Variants in KBTBD12 observed in about 807,000 individuals in gnomAD.
KBTBD12 encodes the protein kelch repeat and BTB domain containing 12.
In KBTBD12, 53 loss-of-function variants were observed where a neutral mutation model predicts 58.7. That is an observed-to-expected ratio of 0.90 (90% CI 0.72 to 1.14). The LOEUF is 1.14. KBTBD12 is among the 50% of genes most tolerant of loss of function. The pLI is 0.00. For missense variants in KBTBD12, 704 were observed against 751.3 expected, an observed-to-expected ratio of 0.94 and a Z score of 0.74; for synonymous variants, 236 against 259.8, an observed-to-expected ratio of 0.91 and a Z score of 0.88.
intron 5 of KBTBD12, among the ~76,000 whole-genome samples, chr3:127,973,766 T>C (rs1435328128): frequency 6.6e-6 from 1 of 152,218 alleles, no homozygotes; most frequent in Non-Finnish European, 1.5e-5. Flanking sequence ...TTTCTGTATG[T>C]TTGAAATTTC....
intron 4 of KBTBD12, among the ~76,000 whole-genome samples, chr3:127,959,057 G>A (rs774561181): frequency 6.6e-6 from 1 of 152,120 alleles, no homozygotes; most frequent in African/African-American, 2.4e-5. Flanking sequence ...AAGAAGCTAG[G>A]TTCATGTTTT....
downstream of KBTBD12, chr3:127,987,676 C>T (rs879750031): frequency 2.6e-5 from 4 of 152,230 alleles, no homozygotes; most frequent in Admixed American, 6.5e-5. Context: ...AGATCACTTT[C>T]ATTTTGTTTT....
chr3:127,931,804 G>A (rs556279875), intron 4 of KBTBD12, among the ~76,000 whole-genome samples: 4 of 151,698 alleles, frequency 2.6e-5, no homozygotes, highest in Non-Finnish European at 5.9e-5. Context: ...CAATGGGAGG[G>A]GGCAAAAAAG....
At chr3:127,937,172 AAAC>A (rs3073944) in intron 4 of KBTBD12, among the ~76,000 whole-genome samples, 67,186 of 150,194 alleles carry the variant, frequency 0.45, 15,866 homozygotes, top group Admixed American at 0.55. Context: ...AATGGCCAGA[AAAC>A]AACAACAACA....
At chr3:127,953,848 G>A (rs900546641) in intron 4 of KBTBD12, among the ~76,000 whole-genome samples, 2 of 152,172 alleles carry the variant, frequency 1.3e-5, no homozygotes, top group African/African-American at 4.8e-5. Flanking sequence ...CATTTTGTCA[G>A]CTTTGCCACA....
intron 4 of KBTBD12, among the ~76,000 whole-genome samples, chr3:127,942,192 A>G (rs1939964778): frequency 6.6e-6 from 1 of 152,240 alleles, no homozygotes; most frequent in African/African-American, 2.4e-5. Context: ...GTATGTATTT[A>G]AGGCATACAA....
At chr3:127,919,882 T>A (rs1000212187) in intron 1 of KBTBD12, among the ~76,000 whole-genome samples, 6 of 152,288 alleles carry the variant, frequency 3.9e-5, no homozygotes, top group Admixed American at 1.3e-4. Context: ...CCTAATGCAG[T>A]TTTTTAAAAT....
chr3:127,945,059 G>GT (rs1576381174), intron 4 of KBTBD12, among the ~76,000 whole-genome samples: 1 of 142,086 alleles, frequency 7.0e-6, no homozygotes, highest in East Asian at 2.2e-4. Flanking sequence ...TTTGGTATTT[G>GT]TTTTTGCTGT....
intron 5 of KBTBD12, among the ~76,000 whole-genome samples, chr3:127,967,757 A>G (rs1940604152): frequency 6.6e-6 from 1 of 152,246 alleles, no homozygotes; most frequent in Non-Finnish European, 1.5e-5. Flanking sequence ...ATATGTAAAT[A>G]TAGTGCATAT....
Position 127,985,939 on chromosome 3 carries a change from T to C in KBTBD12, c.*1661T>C, listed in dbSNP as rs1349584061. On this transcript the variant is annotated 3_prime_UTR_variant, in exon 6 of 6. Coordinates refer to ENST00000405109, the MANE Select transcript of KBTBD12 (RefSeq NM_207335.4). The stretch of plus-strand genomic sequence containing the variant: ...TTCCCCAGTGGATGATCATGATCTG[T>C]GCATTCTTTTTCTTGCTACAAAGAT... 1.3e-5 allele frequency: 2 copies of C among 152,358 alleles called. No individual in the cohort carries two copies. Among genetic ancestry groups the C allele is most frequent in the Non-Finnish European group, 2.9e-5 (2 of 68,108 alleles). The allele number at this position is 152,358 out of a possible 1,614,324, so 9.4% of individuals were successfully genotyped here.
intron 4 of KBTBD12, among the ~76,000 whole-genome samples, chr3:127,953,194 G>A (rs1940247051): frequency 6.6e-6 from 1 of 152,138 alleles, no homozygotes; most frequent in African/African-American, 2.4e-5. Context: ...TATAGTAAGT[G>A]GCAAAGAGTC....
intron 3 of KBTBD12, among the ~76,000 whole-genome samples, chr3:127,928,703 C>A (rs1164792732): frequency 4.6e-5 from 7 of 152,242 alleles, no homozygotes; most frequent in Admixed American, 2.0e-4. Context: ...TCAGCTGCCT[C>A]ATGCCCTGGC....
At chr3:127,933,263 C>T (rs1056636650) in intron 4 of KBTBD12, among the ~76,000 whole-genome samples, 1 of 152,162 alleles carries the variant, frequency 6.6e-6, no homozygotes, top group Non-Finnish European at 1.5e-5. Context: ...TGCTGTTCCT[C>T]ACCCCAGCTC....
At chr3:127,915,676 G>A (rs1939215482) in intron 1 of KBTBD12, 90 bp downstream of exon 1, 2 of 152,312 alleles carry the variant, frequency 1.3e-5, no homozygotes, top group South Asian at 4.1e-4. Flanking sequence ...GCGCCGACCC[G>A]GGGCCACCGG....
At chr3:127,972,185 T>C (rs1351400776) in intron 5 of KBTBD12, among the ~76,000 whole-genome samples, 2 of 152,222 alleles carry the variant, frequency 1.3e-5, no homozygotes, top group Non-Finnish European at 2.9e-5. Context: ...AACTATTATT[T>C]CCCTTATTTT....
chr3:127,929,345 A>G (rs1235417168), intron 3 of KBTBD12, among the ~76,000 whole-genome samples: 2 of 152,224 alleles, frequency 1.3e-5, no homozygotes, highest in African/African-American at 2.4e-5. Context: ...ATAAACTTTC[A>G]TAAGTATGCC....
intron 3 of KBTBD12, among the ~76,000 whole-genome samples, chr3:127,928,390 C>G (rs116758054): frequency 0.015 from 2,328 of 152,332 alleles, 48 homozygotes; most frequent in African/African-American, 0.051. Flanking sequence ...TCTAATAGCT[C>G]TGTGACCTGA....
chr3:127,963,333 A>G lies in KBTBD12; in HGVS notation c.1637A>G (p.Asn546Ser), dbSNP rs1940488358. 6.2e-7 allele frequency: 1 copy of G among 1,612,244 alleles called. No homozygotes were observed. The highest frequency in any genetic ancestry group is 8.5e-7 in the Non-Finnish European group (1 of 1,179,320). ...PLLSLRTNST[N>S]AGAVDGKLYV... is the part of the protein sequence containing the mutation. ...CTCTCACTCCGCACCAATTCCACCA[A>G]TGCAGGGGCAGTGGATGGGAAACTC... Residue 546 changes from asparagine (N) to serine (S), a missense_variant, in exon 5 of 6, where the codon AAT (asparagine) becomes AGT (serine). Asn to Ser is a conservative substitution (Grantham distance 46). Coordinates refer to ENST00000405109, the MANE Select transcript of KBTBD12 (RefSeq NM_207335.4).
chr3:127,954,890 A>AT (rs1333217047), intron 4 of KBTBD12, among the ~76,000 whole-genome samples: 1 of 152,054 alleles, frequency 6.6e-6, no homozygotes, highest in Non-Finnish European at 1.5e-5. Context: ...TCTGGCAAAA[A>AT]TCCCATCTCC....
Sources: gnomAD v4.1 joint callset for allele counts (sites outside exome capture counted in the v4.1 genomes callset) on GRCh38, gnomAD v4.1.1 for gene constraint, MANE v1.5 for transcripts, NCBI Gene and HGNC (gene_info 2026-07-23, HGNC 2026-07-21) for gene names.